RDH12: variants seen among roughly 807,000 people sequenced by gnomAD.
RDH12 encodes retinol dehydrogenase 12, also known as all-trans and 9-cis retinol dehydrogenase.
RDH12 carries 21 observed loss-of-function variants against 34.0 expected under a neutral mutation model. The ratio of observed to expected loss-of-function variants is 0.62; its 90% confidence interval spans 0.44 to 0.89. The LOEUF is 0.89. Among genes scored for constraint, RDH12 ranks in the 40% least tolerant of loss-of-function variants. The pLI is 0.00. For synonymous variants in RDH12, 198 were observed against 169.9 expected (o/e 1.17, Z -1.29); for missense variants, 394 against 398.6 (o/e 0.99, Z 0.10).
At chr14:67,726,563 G>C (rs537434135) in intron 6 of RDH12, among the ~76,000 whole-genome samples, 2 of 152,178 alleles carry the variant, frequency 1.3e-5, no homozygotes, top group African/African-American at 4.8e-5. Flanking sequence ...TACGAGGCAG[G>C]GTGGGGTTCA....
rs967576258 is a variant in RDH12, at chr14:67,733,040, G to A, written c.849-706G>A. Among the ~76,000 whole-genome samples, 13 of 152,166 alleles carry A rather than the reference G, an allele frequency of 8.5e-5. No individual in the cohort carries two copies. In the East Asian group the frequency reaches 2.5e-3, roughly 29 times the overall value. On this transcript the variant is annotated intron_variant, in intron 8 of 8. Coordinates refer to ENST00000551171, the MANE Select transcript of RDH12 (RefSeq NM_152443.3). Reference sequence around the variant, plus strand: ...AATGCTAAATGACGAGTTCATGGGTGCAGCACACCAACATGGCACATGTAT... The same window carrying A: ...AATGCTAAATGACGAGTTCATGGGTACAGCACACCAACATGGCACATGTAT...
rs1405466014 is a variant in RDH12, at chr14:67,729,288, C to T, written c.756C>T (p.Ser252=). Residue 252 remains serine (S), a synonymous_variant, in exon 8 of 9, where the codon TCC becomes TCT. Coordinates refer to ENST00000551171, the MANE Select transcript of RDH12 (RefSeq NM_152443.3). ...SLLCLLWRLF[S]PFVKTAREGA... Reference sequence around the variant, plus strand: ...TCTGCCTGCTCTGGCGGCTCTTCTCCCCCTTTGTCAAGACGGCACGGGAGG... The same window carrying T: ...TCTGCCTGCTCTGGCGGCTCTTCTCTCCCTTTGTCAAGACGGCACGGGAGG... 2 of 1,604,770 alleles carry T rather than the reference C, an allele frequency of 1.2e-6. No individual in the cohort carries two copies. Among genetic ancestry groups the T allele is most frequent in the Admixed American group, 1.7e-5 (1 of 60,024 alleles).
At chr14:67,721,744 T>TATATATATATATATGTATAACGG (rs1055652664) in intron 2 of RDH12, among the ~76,000 whole-genome samples, 1 of 812 alleles carries the variant, frequency 1.2e-3, no homozygotes, top group Admixed American at 0.02. Flanking sequence ...TGGGGATATA[T>TATATATATATATATGTATAACGG]ATATATATAT....
intron 1 of RDH12, among the ~76,000 whole-genome samples, chr14:67,710,554 C>A (rs2140115087): frequency 6.6e-6 from 1 of 152,126 alleles, no homozygotes; most frequent in South Asian, 2.1e-4. Context: ...ACACAATATT[C>A]TTTTTCATAT....
At chr14:67,711,115 C>A (rs929020003) in intron 1 of RDH12, among the ~76,000 whole-genome samples, 1 of 152,162 alleles carries the variant, frequency 6.6e-6, no homozygotes, top group African/African-American at 2.4e-5. Context: ...GATAACAAAC[C>A]TTACTTCCTG....
chr14:67,722,325 A>G lies in RDH12; in HGVS notation c.-219-99A>G, dbSNP rs2038132870. On this transcript the variant is annotated intron_variant, in intron 2 of 8. Transcript: ENST00000551171. Reference sequence around the variant, plus strand: ...TCCTAGAGAAGAGAAACAATTGAGGATGGGGGGTTTAGGGGGTACTTGCTT... The same window carrying G: ...TCCTAGAGAAGAGAAACAATTGAGGGTGGGGGGTTTAGGGGGTACTTGCTT... The G allele has an allele frequency of 1.5e-5, 7 of 460,322 alleles. No homozygotes were observed. In the East Asian group the frequency reaches 3.0e-4, roughly 19 times the overall value. 28.5% of individuals were successfully genotyped at this position (460,322 alleles called of 1,614,324 possible).
chr14:67,726,075 T>C lies in RDH12; in HGVS notation c.368T>C (p.Ile123Thr). Residue 123 changes from isoleucine (I) to threonine (T), a missense_variant, in exon 6 of 9, where the codon ATC (isoleucine) becomes ACC (threonine). Transcript: ENST00000551171. ...GAGGAAAAGCAGCTCCATATTCTGA[T>C]CAACAATGCGGGAGTAATGATGTGT... is the stretch of plus-strand genomic sequence containing the variant. ...LAEEKQLHIL[I>T]NNAGVMMCPY... is the part of the protein sequence containing the mutation. 2 of 1,613,986 alleles carry C rather than the reference T, an allele frequency of 1.2e-6. No individual in the cohort carries two copies. Among genetic ancestry groups the C allele is most frequent in the Non-Finnish European group, 1.7e-6 (2 of 1,179,874 alleles).
intron 1 of RDH12, among the ~76,000 whole-genome samples, chr14:67,717,457 G>C (rs1267313661): frequency 6.6e-6 from 1 of 152,240 alleles, no homozygotes; most frequent in Non-Finnish European, 1.5e-5. Context: ...ACTTGCTGTG[G>C]ACAGTAAGCA....
In RDH12 at chr14:67,717,134, T is replaced by A. The variant is rs2038077560; in HGVS notation, c.-274-3714T>A. Among the ~76,000 whole-genome samples, 3 of 152,210 alleles carry A rather than the reference T, an allele frequency of 2.0e-5. No homozygotes were observed. The South Asian group carries it at 6.2e-4, about 31-fold the overall frequency. ...TCATTAACTAGAGTTCAATATTTAT[T>A]TAGTTTTTTTTCCTTTGGATGTAAA... On this transcript the variant is annotated intron_variant, in intron 1 of 8. Transcript: ENST00000551171.
At chr14:67,727,481 T>G (rs79046510) in intron 7 of RDH12, 8,938 of 347,870 alleles carry the variant, frequency 0.026, 198 homozygotes, top group African/African-American at 0.032. Flanking sequence ...TTTTTGTTTT[T>G]TTTGTTTTTT....
At chr14:67,728,032 T>C (rs1170729857) in intron 7 of RDH12, 3 of 152,260 alleles carry the variant, frequency 2.0e-5, no homozygotes, top group Non-Finnish European at 4.4e-5. Context: ...GATGTGCCCC[T>C]TTAACCTCCC....
chr14:67,720,122 T>C (rs1266280284), intron 1 of RDH12, among the ~76,000 whole-genome samples: 1 of 152,244 alleles, frequency 6.6e-6, no homozygotes, highest in Non-Finnish European at 1.5e-5. Context: ...TTTGGCAATC[T>C]GATAAGTGAA....
chr14:67,716,131 A>G (rs1315847986), intron 1 of RDH12, among the ~76,000 whole-genome samples: 1 of 151,572 alleles, frequency 6.6e-6, no homozygotes, highest in Admixed American at 6.6e-5. Flanking sequence ...TGGGAGGCGG[A>G]GCTTGCAGTG....
intron 7 of RDH12, 95 bp from the exon 8 acceptor site, chr14:67,729,096 C>T: frequency 2.4e-6 from 3 of 1,256,134 alleles, no homozygotes; most frequent in South Asian, 2.4e-5. Flanking sequence ...TTTCCTGAGT[C>T]CCTCCTTCTC....
At chr14:67,717,052 A>C (rs1393566681) in intron 1 of RDH12, among the ~76,000 whole-genome samples, 1 of 152,176 alleles carries the variant, frequency 6.6e-6, no homozygotes. Flanking sequence ...ACTTCAAACT[A>C]AATTACAGAC....
At chr14:67,721,116 C>T (rs2038119142) in intron 2 of RDH12, among the ~76,000 whole-genome samples, 1 of 152,170 alleles carries the variant, frequency 6.6e-6, no homozygotes, top group African/African-American at 2.4e-5. Flanking sequence ...GACATGAACA[C>T]CTGCCTGCCA....
At chr14:67,731,804 T>C (rs2038279962) in intron 8 of RDH12, among the ~76,000 whole-genome samples, 1 of 152,050 alleles carries the variant, frequency 6.6e-6, no homozygotes, top group Non-Finnish European at 1.5e-5. Flanking sequence ...GGATGATTTT[T>C]ATCTTTTTAT....
At chr14:67,714,723 G>A (rs949214890) in intron 1 of RDH12, 7 of 152,478 alleles carry the variant, frequency 4.6e-5, no homozygotes, top group African/African-American at 1.7e-4. Flanking sequence ...TGGTATTAGG[G>A]ACTGAAATGG....
At chr14:67,733,224 A>G (rs571667063) in intron 8 of RDH12, among the ~76,000 whole-genome samples, 7 of 152,170 alleles carry the variant, frequency 4.6e-5, no homozygotes, top group Non-Finnish European at 8.8e-5. Context: ...TTCCAAAGCA[A>G]ATCTGGAGGG....
Sources: gnomAD v4.1 joint callset for allele counts (sites outside exome capture counted in the v4.1 genomes callset) on GRCh38, gnomAD v4.1.1 for gene constraint, MANE v1.5 for transcripts, NCBI Gene and HGNC (gene_info 2026-07-23, HGNC 2026-07-21) for gene names.